Variants in DIXDC1 observed in about 807,000 individuals in gnomAD.
The protein encoded by DIXDC1 is DIX domain containing 1.
Under a neutral mutation model 103.1 loss-of-function variants are expected in DIXDC1, and 64 were observed. The ratio of observed to expected loss-of-function variants is 0.62; its 90% CI spans 0.51 to 0.76. The LOEUF (loss-of-function observed/expected upper bound fraction) is 0.76, where lower values mean the gene tolerates loss of function less well. Among genes scored for constraint, DIXDC1 ranks in the 30% least tolerant of loss-of-function variants. DIXDC1 has a pLI of 0.00. For missense variants in DIXDC1, 759 were observed against 834.2 expected, an observed-to-expected ratio of 0.91 and a Z score of 1.11; for synonymous variants, 266 against 298.5, an observed-to-expected ratio of 0.89 and a Z score of 1.12.
rs782772854 is a variant in DIXDC1, at chr11:112,017,792, G to A, written c.1878G>A (p.Thr626=). The change falls in exon 19 of 20, where the codon ACG becomes ACA. Residue 626 remains threonine (T), a synonymous_variant. Coordinates refer to ENST00000440460, the MANE Select transcript of DIXDC1 (RefSeq NM_001037954.4). This position sits in a 1 kb window ranked among gnomAD's most constrained non-coding sequence, Gnocchi z 4.0. Reference sequence around the variant, plus strand: ...TGTGTTGCAGGTTGGAGGAGGTGACGTTAAAGGATTTTAAAGCAGCTATTG... The same window carrying A: ...TGTGTTGCAGGTTGGAGGAGGTGACATTAAAGGATTTTAAAGCAGCTATTG... The part of the protein sequence containing the change: ...VNIPKRLEEV[T]LKDFKAAIDR... The A allele has an allele frequency of 3.1e-6, 5 of 1,610,014 alleles. No homozygotes were observed. Among genetic ancestry groups the A allele is most frequent in the East Asian group, 2.2e-5 (1 of 44,824 alleles).
rs188772696 is a variant in DIXDC1, at chr11:111,993,559, C to T, written c.1336C>T (p.Arg446Trp). Reference sequence around the variant, plus strand: ...CCAGGCCAAGTTAGAAGAAGCACTCCGGAAACTCTCTGATGTCAGTTACCA... The same window carrying T: ...CCAGGCCAAGTTAGAAGAAGCACTCTGGAAACTCTCTGATGTCAGTTACCA... Reference protein sequence around the residue: ...QHQAKLEEALRKLSDVSYHQV... With the variant: ...QHQAKLEEALWKLSDVSYHQV... Residue 446 changes from arginine (R) to tryptophan (W), a missense_variant, in exon 13 of 20, where the codon CGG becomes TGG. This residue lies in a region of DIXDC1 where 657 missense variants were observed against 727.5 expected (regional missense o/e 0.90). Coordinates refer to ENST00000440460, the MANE Select transcript of DIXDC1 (RefSeq NM_001037954.4). 50 of 1,614,002 alleles carry T rather than the reference C, an allele frequency of 3.1e-5. No individual in the cohort carries two copies. The East Asian group carries it at 9.6e-4, about 31-fold the overall frequency.
At chr11:111,950,163 T>A (rs1213089842) in intron 1 of DIXDC1, among the ~76,000 whole-genome samples, 11 of 151,930 alleles carry the variant, frequency 7.2e-5, no homozygotes, top group African/African-American at 2.7e-4. Context: ...GGAAGGGATA[T>A]GGTTTAACAG....
At position 111,973,039 on chromosome 11, in the gene DIXDC1, A is replaced by G. The variant is rs587764322; in HGVS notation, c.317-984A>G. Among the ~76,000 whole-genome samples the G allele has an allele frequency of 2.4e-3, 315 of 130,920 alleles. 7 individuals are homozygous for G. Among genetic ancestry groups the G allele is most frequent in the African/African-American group, 8.9e-3 (258 of 28,832 alleles). 85.9% of individuals were successfully genotyped at this position (130,920 alleles called of 152,430 possible). Reference sequence around the variant, plus strand: ...GTGCCATTGCATTCCAGCCTGGGGGAAAAAAAAAAAGAGTTTCTAATAGCC... The same window carrying G: ...GTGCCATTGCATTCCAGCCTGGGGGGAAAAAAAAAAGAGTTTCTAATAGCC... On this transcript the variant is annotated intron_variant, in intron 3 of 19. Coordinates refer to ENST00000440460, the MANE Select transcript of DIXDC1 (RefSeq NM_001037954.4).
intron 5 of DIXDC1, 58 bp downstream of exon 5, chr11:111,975,041 G>A: frequency 6.4e-7 from 1 of 1,563,012 alleles, no homozygotes; most frequent in East Asian, 2.4e-5. Flanking sequence ...TCGGCTTCAA[G>A]TAACAATACA....
chr11:111,982,574 T>A, intron 7 of DIXDC1, 87 bp downstream of exon 7: 1 of 1,422,922 alleles, frequency 7.0e-7, no homozygotes, highest in Non-Finnish European at 9.5e-7. Context: ...GATTTTAGTT[T>A]TCTAGGAGGT....
At chr11:111,950,410 GTATATATA>G (rs1555169787) in intron 1 of DIXDC1, among the ~76,000 whole-genome samples, 493 of 25,026 alleles carry the variant, frequency 0.02, 21 homozygotes, top group African/African-American at 0.025. Context: ...TACAAAGTAG[GTATATATA>G]TATATATATA....
intron 17 of DIXDC1, among the ~76,000 whole-genome samples, chr11:112,011,927 A>C (rs1861434903): frequency 6.6e-6 from 1 of 152,244 alleles, no homozygotes; most frequent in Non-Finnish European, 1.5e-5. Context: ...CGTTGTGCAC[A>C]TGCACCCTAG....
At chr11:111,996,828 TGACAGAGTAA>T (rs1186246379) in intron 17 of DIXDC1, among the ~76,000 whole-genome samples, 2 of 152,160 alleles carry the variant, frequency 1.3e-5, no homozygotes, top group African/African-American at 4.8e-5. Flanking sequence ...CCAGCGTGGG[TGACAGAGTAA>T]GACTCCATCT....
chr11:111,929,124 A>C lies in DIXDC1; in HGVS notation c.-36-694A>C, dbSNP rs1347544185. On this transcript the variant is annotated intron_variant, in intron 1 of 5. Transcript: ENST00000529225. ...AACCTGGGAGGCAGAGGTTGCTGTG[A>C]GCCGAGCTCGTGCCACCGCACTCCA... 2.0e-5 allele frequency among the ~76,000 whole-genome samples: 3 copies of C among 152,166 alleles called. No individual in the cohort carries two copies. In the East Asian group the frequency reaches 5.8e-4, roughly 29 times the overall value.
intron 1 of DIXDC1, chr11:111,929,764 A>AT (rs5794769): frequency 0.34 from 384,625 of 1,123,488 alleles, 50,765 homozygotes; most frequent in African/African-American, 0.72. Context: ...TGAGCTTTAA[A>AT]TTTTTTTTTT....
Position 111,964,639 on chromosome 11 carries a change from C to T in DIXDC1, c.151C>T (p.Arg51Trp), listed in dbSNP as rs1472099566. The T allele has an allele frequency of 7.4e-6, 12 of 1,611,998 alleles. No individual in the cohort carries two copies. The highest frequency in any genetic ancestry group is 6.6e-5 in the South Asian group (6 of 90,514). The change falls in exon 2 of 20, where the codon CGG becomes TGG. Residue 51 changes from arginine to tryptophan, a missense_variant. By Grantham distance (101) the Arg-to-Trp change is moderately radical (BLOSUM62 -3). This residue lies in a region of DIXDC1 where 97 missense variants were observed against 85.4 expected (regional missense o/e 1.14). Transcript: ENST00000440460. ...KPVQDLRQDLRDGVILAYLIE... is the reference protein window; with the variant it reads ...KPVQDLRQDLWDGVILAYLIE... The stretch of plus-strand genomic sequence containing the variant: ...TGTGCAGGACCTGCGACAAGATCTC[C>T]GGGATGGGGTGATCCTGGCATATCT...
At chr11:112,003,911 G>A (rs782727209) in intron 17 of DIXDC1, among the ~76,000 whole-genome samples, 1 of 151,392 alleles carries the variant, frequency 6.6e-6, no homozygotes, top group Non-Finnish European at 1.5e-5. Flanking sequence ...GGCATGGTGG[G>A]CTTATGCCTG....
At chr11:111,941,327 T>C (rs1037939468) in intron 1 of DIXDC1, among the ~76,000 whole-genome samples, 3 of 152,098 alleles carry the variant, frequency 2.0e-5, no homozygotes, top group African/African-American at 7.2e-5. Context: ...TAGGCCCAGC[T>C]GTGGTGTGCA....
At chr11:111,974,649 G>A (rs1860040119) in intron 4 of DIXDC1, among the ~76,000 whole-genome samples, 1 of 152,196 alleles carries the variant, frequency 6.6e-6, no homozygotes, top group South Asian at 2.1e-4. Context: ...TGCTTTGTGG[G>A]TTGTGTATCT....
intron 7 of DIXDC1, 68 bp from the exon 8 acceptor site, chr11:111,985,164 C>G (rs1219856873): frequency 7.7e-7 from 1 of 1,299,720 alleles, no homozygotes; most frequent in Non-Finnish European, 1.1e-6. Context: ...GTGAGCTTAC[C>G]AAGTTCAACT....
chr11:111,931,487 A>C (rs587630810), intron 2 of DIXDC1, among the ~76,000 whole-genome samples: 2 of 152,180 alleles, frequency 1.3e-5, no homozygotes, highest in South Asian at 4.1e-4. Flanking sequence ...TACTAAAAAA[A>C]CAAAAATTAG....
intron 3 of DIXDC1, among the ~76,000 whole-genome samples, chr11:111,973,661 C>T (rs1860007279): frequency 6.6e-6 from 1 of 152,166 alleles, no homozygotes; most frequent in Non-Finnish European, 1.5e-5. Flanking sequence ...GTTCCCTCTT[C>T]CTGGAATACT....
chr11:111,952,213 G>A (rs587661943), intron 1 of DIXDC1, among the ~76,000 whole-genome samples: 8 of 152,188 alleles, frequency 5.3e-5, no homozygotes, highest in Admixed American at 2.6e-4. Context: ...TATCAGCAGC[G>A]TGAACACAGA....
At chr11:111,959,378 G>A (rs1859497912) in intron 1 of DIXDC1, among the ~76,000 whole-genome samples, 1 of 152,228 alleles carries the variant, frequency 6.6e-6, no homozygotes, top group Non-Finnish European at 1.5e-5. Flanking sequence ...GGTGCCAGCT[G>A]TGGAAGCTGC....
Sources: gnomAD v4.1 joint callset for allele counts (sites outside exome capture counted in the v4.1 genomes callset) on GRCh38, gnomAD v4.1.1 for gene constraint, gnomAD v4.1.1 regional missense constraint, Gnocchi (gnomAD v3.1) non-coding constraint, MANE v1.5 for transcripts, NCBI Gene and HGNC (gene_info 2026-07-23, HGNC 2026-07-21) for gene names.